The following DISP3 variants were observed in gnomAD, a reference collection of about 807,000 sequenced individuals.
DISP3 encodes dispatched RND transporter family member 3.
DISP3 carries 101 observed loss-of-function variants against 135.3 expected under a neutral mutation model. The ratio of observed to expected loss-of-function variants is 0.75; its 90% CI spans 0.64 to 0.88. The LOEUF is 0.88. Ranked by LOEUF, DISP3 falls within the 40% of genes least tolerant of loss-of-function variation. The pLI, the probability that DISP3 is intolerant of heterozygous loss-of-function variation, is 0.00. For missense variants in DISP3, 1,713 were observed against 1,878.6 expected, an observed-to-expected ratio of 0.91 and a Z score of 1.63; for synonymous variants, 856 against 817.0, an observed-to-expected ratio of 1.05 and a Z score of -0.81.
intron 19 of DISP3, 85 bp downstream of exon 19, chr1:11,535,209 C>T (rs1642676335): frequency 7.8e-7 from 1 of 1,281,188 alleles, no homozygotes; most frequent in African/African-American, 1.5e-5. Context: ...AGCCTCCAGG[C>T]CTCTGAACCT....
rs1226668395 is a variant in DISP3, at chr1:11,491,523, A to G, written c.-3-9467A>G. Among the ~76,000 whole-genome samples the G allele has an allele frequency of 3.3e-5, 5 of 152,064 alleles. No individual in the cohort carries two copies. Among genetic ancestry groups the G allele is most frequent in the Non-Finnish European group, 7.4e-5 (5 of 68,006 alleles). ...CTACTTGGGAGGCTGAGCGGGGAGG[A>G]CCACTCGAGCCCGGGAGGTCGAGGC... On this transcript the variant is annotated intron_variant, in intron 1 of 20. Transcript: ENST00000294484. The surrounding 1 kb of genome is among the most constrained non-coding windows in gnomAD (Gnocchi z 4.3).
chr1:11,494,499 C>T (rs1323088892), intron 1 of DISP3, among the ~76,000 whole-genome samples: 1 of 152,206 alleles, frequency 6.6e-6, no homozygotes, highest in Non-Finnish European at 1.5e-5. Context: ...CCAGGACATC[C>T]GGAGAGCGGT....
At chr1:11,534,847 T>C (rs765846005) in intron 18 of DISP3, 164 bp from the exon 19 acceptor site, 5 of 795,074 alleles carry the variant, frequency 6.3e-6, no homozygotes, top group South Asian at 5.8e-5. Flanking sequence ...GCCTGACCTG[T>C]GTTCTCTTCA....
Position 11,525,282 on chromosome 1 carries a change from G to A in DISP3, c.2583G>A (p.Ser861=), listed in dbSNP as rs375072553. ...ASLPAPWQAV[S]PGDGEVPSFQ... ...TGCCTGCTCCTTGGCAGGCTGTGTC[G>A]CCTGGGGATGGAGAGGTGCCCTCCT... The change falls in exon 12 of 21, where the codon TCG becomes TCA. Residue 861 remains serine (S), a synonymous_variant. Coordinates refer to ENST00000294484, the MANE Select transcript of DISP3 (RefSeq NM_020780.2). 2.8e-4 allele frequency: 446 copies of A among 1,613,764 alleles called. No individual in the cohort carries two copies. Among genetic ancestry groups the A allele is most frequent in the Admixed American group, 4.2e-4 (25 of 59,984 alleles).
rs771805496 is a variant in DISP3 at position 11,534,364 on chromosome 1, C to T, written c.3376-17C>T. ...ACAGTCCCTGCCTGTCTCACTAGCT[C>T]ACATCTCTCCCCACAGACCACGTAC... is the stretch of plus-strand genomic sequence containing the variant. On this transcript the variant is annotated splice_polypyrimidine_tract_variant and intron_variant, in intron 17 of 20. Coordinates refer to ENST00000294484, the MANE Select transcript of DISP3 (RefSeq NM_020780.2). 29 of 1,613,996 alleles carry T rather than the reference C, an allele frequency of 1.8e-5. No homozygotes were observed. In the East Asian group the frequency reaches 5.8e-4, roughly 32 times the overall value.
chr1:11,533,567 T>C (rs754767140), intron 17 of DISP3: 11 of 547,268 alleles, frequency 2.0e-5, no homozygotes, highest in African/African-American at 5.6e-5. Context: ...GGTGACTGGC[T>C]CATTTTACTC....
Position 11,513,378 on chromosome 1 carries a change from G to A in DISP3, c.1317-1012G>A, listed in dbSNP as rs143818251. Among the ~76,000 whole-genome samples the A allele has an allele frequency of 4.2e-3, 646 of 152,232 alleles. 6 individuals are homozygous for A. The highest frequency in any genetic ancestry group is 6.1e-3 in the Non-Finnish European group (412 of 68,004). The stretch of plus-strand genomic sequence containing the variant: ...TCTATCTAAAAAAGTTTTCTATTTT[G>A]CCTTTGTTTTTTAAATGTATTTTTG... On this transcript the variant is annotated intron_variant, in intron 3 of 20. Coordinates refer to ENST00000294484, the MANE Select transcript of DISP3 (RefSeq NM_020780.2).
At position 11,501,875 on chromosome 1, in the gene DISP3, C is replaced by G. The variant is rs751324010; in HGVS notation, c.883C>G (p.Leu295Val). ...GCGCAACATTTTCACCAGTGAGCGC[C>G]TGGTCACGATCCATGAGATCGAGCG... ...AERNIFTSER[L>V]VTIHEIERKI... Residue 295 changes from leucine (L) to valine (V), a missense_variant, in exon 2 of 21, where the codon CTG becomes GTG. Coordinates refer to ENST00000294484, the MANE Select transcript of DISP3 (RefSeq NM_020780.2). The surrounding 1 kb of genome is among the most constrained non-coding windows in gnomAD (Gnocchi z 4.9). 6.2e-7 allele frequency: 1 copy of G among 1,613,226 alleles called. No individual in the cohort carries two copies. The highest frequency in any genetic ancestry group is 1.1e-5 in the South Asian group (1 of 91,032).
chr1:11,528,682 T>G (rs899789740), intron 13 of DISP3, among the ~76,000 whole-genome samples: 9 of 152,196 alleles, frequency 5.9e-5, no homozygotes, highest in African/African-American at 1.9e-4. Context: ...CAGAACTCGG[T>G]GATACGCGGG....
chr1:11,524,020 TCC>T lies in DISP3; in HGVS notation c.2444_2445del (p.Pro815LeufsTer3). 1 of 1,613,050 alleles carries T rather than the reference TCC, an allele frequency of 6.2e-7. No individual in the cohort carries two copies. Reference sequence around the variant, plus strand: ...GAGAAGAAGAGGCGAGGCTCAGGGGTCCCCTGGGCTAGCCGGCCTGAGGCCAC... The same window carrying T: ...GAGAAGAAGAGGCGAGGCTCAGGGGTCCTGGGCTAGCCGGCCTGAGGCCAC... On this transcript the variant is annotated frameshift_variant, in exon 11 of 21. Coordinates refer to ENST00000294484, the MANE Select transcript of DISP3 (RefSeq NM_020780.2). LOFTEE classifies it high-confidence loss of function.
At position 11,485,950 on chromosome 1, in the gene DISP3, G is replaced by A. The variant is rs145850550; in HGVS notation, c.-4+6578G>A. Among the ~76,000 whole-genome samples the A allele has an allele frequency of 3.6e-3, 541 of 152,314 alleles. 1 individual carries two copies. Among genetic ancestry groups the A allele is most frequent in the Non-Finnish European group, 6.0e-3 (405 of 68,016 alleles). On this transcript the variant is annotated intron_variant, in intron 1 of 20. Transcript: ENST00000294484. ...TCACTTGATTTGGGCCTTTGAGGAT[G>A]AGTATGATTGAAGCCAAAGTACCTT...
chr1:11,480,283 C>T (rs905013308), intron 1 of DISP3, among the ~76,000 whole-genome samples: 8 of 152,182 alleles, frequency 5.3e-5, no homozygotes, highest in Non-Finnish European at 1.2e-4. Context: ...CGCCTCGCGG[C>T]CGCCCTAGAA....
intron 13 of DISP3, 109 bp downstream of exon 13, chr1:11,526,944 C>CTTTTT: frequency 2.9e-6 from 3 of 1,024,290 alleles, no homozygotes; most frequent in Non-Finnish European, 4.0e-6. Flanking sequence ...GGCCCCCTCA[C>CTTTTT]TTTTTTTTTT....
intron 3 of DISP3, among the ~76,000 whole-genome samples, chr1:11,513,227 T>C (rs1017533125): frequency 2.6e-5 from 4 of 152,190 alleles, no homozygotes; most frequent in Admixed American, 2.6e-4. Context: ...GAGGCCATAG[T>C]GAGCTATGAT....
At chr1:11,493,901 C>A (rs1410914692) in intron 1 of DISP3, among the ~76,000 whole-genome samples, 1 of 152,208 alleles carries the variant, frequency 6.6e-6, no homozygotes, top group East Asian at 1.9e-4. Context: ...GGGAGACTTC[C>A]TTTACATCAT....
chr1:11,535,341 C>A, intron 19 of DISP3, 137 bp from the exon 20 acceptor site: 1 of 1,262,256 alleles, frequency 7.9e-7, no homozygotes, highest in Non-Finnish European at 1.1e-6. Flanking sequence ...TGCACCTGTC[C>A]CCTCCCTCAG....
chr1:11,516,514 C>T lies in DISP3; in HGVS notation c.1749+353C>T, dbSNP rs530397455. 1.6e-4 allele frequency among the ~76,000 whole-genome samples: 24 copies of T among 152,274 alleles called. No individual in the cohort carries two copies. Among genetic ancestry groups the T allele is most frequent in the African/African-American group, 5.8e-4 (24 of 41,558 alleles). The stretch of plus-strand genomic sequence containing the variant: ...CCTATTTTCCAAAAAAGAAACTTGG[C>T]CCCTGAGAGGTAAAGTGACTTCCTC... On this transcript the variant is annotated intron_variant, in intron 6 of 20. Coordinates refer to ENST00000294484, the MANE Select transcript of DISP3 (RefSeq NM_020780.2). This position sits in a 1 kb window ranked among gnomAD's most constrained non-coding sequence, Gnocchi z 5.1.
At chr1:11,522,744 GCCAGGA>G (rs1642261759) in intron 10 of DISP3, among the ~76,000 whole-genome samples, 2 of 136,282 alleles carry the variant, frequency 1.5e-5, no homozygotes, top group African/African-American at 5.7e-5. Context: ...CCAGGGCCCA[GCCAGGA>G]CCCAGCCAGG....
chr1:11,501,688 C>G lies in DISP3; in HGVS notation c.696C>G (p.Tyr232Ter). 1.2e-6 allele frequency: 2 copies of G among 1,604,328 alleles called. No individual in the cohort carries two copies. Among genetic ancestry groups the G allele is most frequent in the Non-Finnish European group, 8.5e-7 (1 of 1,176,132 alleles). ...AGCGGCTGAGCAAGAATGGGCGGTACCAGCCCAGCATCCCGCCCCACGCGG... is the reference window on the plus strand; with the variant it reads ...AGCGGCTGAGCAAGAATGGGCGGTAGCAGCCCAGCATCCCGCCCCACGCGG... The part of the protein sequence containing the change: ...RNQRLSKNGR[Y>*]QPSIPPHAAV... Residue 232 changes from tyrosine (Y) to a stop codon, truncating the protein, a stop_gained, in exon 2 of 21, where the codon TAC (tyrosine) becomes TAG (stop). Transcript: ENST00000294484. LOFTEE classifies it high-confidence loss of function. The surrounding 1 kb of genome is among the most constrained non-coding windows in gnomAD (Gnocchi z 4.9).
Sources: allele counts gnomAD v4.1 joint callset (sites outside exome capture counted in the v4.1 genomes callset), GRCh38; gene constraint gnomAD v4.1.1; non-coding constraint Gnocchi (gnomAD v3.1); transcripts MANE v1.5; gene names NCBI Gene and HGNC (gene_info 2026-07-23, HGNC 2026-07-21).